KIAA1671: variants seen among roughly 807,000 people sequenced by gnomAD.
The protein encoded by KIAA1671 is uncharacterized protein KIAA1671.
Under a neutral mutation model 131.2 loss-of-function variants are expected in KIAA1671, and 52 were observed. That is an observed-to-expected ratio of 0.40 (90% CI 0.32 to 0.50). The LOEUF is 0.50. KIAA1671 is among the 20% of genes least tolerant of loss of function. The pLI is 0.73. For synonymous variants in KIAA1671, 1,003 were observed against 961.6 expected (o/e 1.04, Z -0.80); for missense variants, 2,360 against 2,364.2 (o/e 1.00, Z 0.04).
intron 1 of KIAA1671, among the ~76,000 whole-genome samples, chr22:24,977,172 C>T (rs542818350): frequency 1.3e-5 from 2 of 152,308 alleles, no homozygotes; most frequent in East Asian, 1.9e-4. Flanking sequence ...ATTATACTCA[C>T]GTTTCCACGA....
At chr22:24,989,573 CT>C (rs1008725018) in intron 1 of KIAA1671, among the ~76,000 whole-genome samples, 5 of 152,138 alleles carry the variant, frequency 3.3e-5, no homozygotes, top group Non-Finnish European at 7.4e-5. Flanking sequence ...CTCCTAAGCC[CT>C]GGGAATTTAG....
At chr22:25,173,440 G>A (rs570571208) in intron 7 of KIAA1671, among the ~76,000 whole-genome samples, 25 of 152,174 alleles carry the variant, frequency 1.6e-4, no homozygotes, top group Non-Finnish European at 2.9e-4. Flanking sequence ...ATGAATAAGT[G>A]AATGAAATAA....
chr22:25,071,498 C>CATTG (rs766286530), intron 6 of KIAA1671, among the ~76,000 whole-genome samples: 35 of 151,850 alleles, frequency 2.3e-4, no homozygotes, highest in Middle Eastern at 3.4e-3. Context: ...TGTAAGGCAA[C>CATTG]ATTGATTGAT....
intron 1 of KIAA1671, among the ~76,000 whole-genome samples, chr22:25,016,252 C>T (rs977030573): frequency 6.6e-6 from 1 of 152,076 alleles, no homozygotes. Flanking sequence ...ATCTCCTGAC[C>T]TCGTGATCCG....
intron 6 of KIAA1671, among the ~76,000 whole-genome samples, chr22:25,134,704 C>T (rs1011442676): frequency 2.2e-4 from 34 of 152,066 alleles, no homozygotes; most frequent in Admixed American, 1.6e-3. Context: ...GCCATGCTGC[C>T]GCTCTGCAGC....
intron 1 of KIAA1671, among the ~76,000 whole-genome samples, chr22:25,009,419 C>T (rs1374377816): frequency 1.3e-5 from 2 of 150,944 alleles, no homozygotes; most frequent in Non-Finnish European, 2.9e-5. Context: ...TGCCTGTCAC[C>T]ACACCCAGCT....
chr22:25,125,545 G>A (rs1254211541), intron 6 of KIAA1671, among the ~76,000 whole-genome samples: 1 of 152,290 alleles, frequency 6.6e-6, no homozygotes, highest in East Asian at 1.9e-4. Context: ...GTACCATGGT[G>A]TAGAACTGGG....
At chr22:25,156,964 A>G (rs1054775743) in intron 6 of KIAA1671, among the ~76,000 whole-genome samples, 20 of 152,184 alleles carry the variant, frequency 1.3e-4, no homozygotes, top group African/African-American at 4.8e-4. Flanking sequence ...CTGTCACCTG[A>G]CAAGTTGAGC....
chr22:24,999,259 G>C (rs1329343279), intron 1 of KIAA1671, among the ~76,000 whole-genome samples: 1 of 152,142 alleles, frequency 6.6e-6, no homozygotes. Flanking sequence ...GAGCACAATA[G>C]GGTCTTGCTC....
intron 1 of KIAA1671, among the ~76,000 whole-genome samples, chr22:25,004,369 T>A (rs1292676838): frequency 6.6e-6 from 1 of 152,122 alleles, no homozygotes; most frequent in African/African-American, 2.4e-5. Flanking sequence ...CTTGGCCTCC[T>A]GAAGCGCTGG....
chr22:24,963,261 G>A (rs1373373243), intron 1 of KIAA1671, among the ~76,000 whole-genome samples: 1 of 151,342 alleles, frequency 6.6e-6, no homozygotes, highest in Non-Finnish European at 1.5e-5. Context: ...CTACTTGGGA[G>A]GCTGAGGCAG....
At chr22:25,114,026 C>T (rs1931528140) in intron 6 of KIAA1671, among the ~76,000 whole-genome samples, 1 of 152,206 alleles carries the variant, frequency 6.6e-6, no homozygotes, top group African/African-American at 2.4e-5. Flanking sequence ...CATGAATCCC[C>T]TAGGCGTCTT....
intron 9 of KIAA1671, 97 bp from the exon 10 acceptor site, chr22:25,181,602 G>A (rs1934278137): frequency 7.0e-7 from 1 of 1,437,664 alleles, no homozygotes; most frequent in Middle Eastern, 1.8e-4. Context: ...GGTCTGATGT[G>A]AGCATTGCAT....
intron 6 of KIAA1671, among the ~76,000 whole-genome samples, chr22:25,093,468 C>T (rs1930120044): frequency 1.3e-5 from 2 of 152,172 alleles, no homozygotes; most frequent in Admixed American, 1.3e-4. Flanking sequence ...CTGTTTCTGT[C>T]CACTTGGTTT....
chr22:25,153,300 T>A (rs189083724), intron 6 of KIAA1671, among the ~76,000 whole-genome samples: 41 of 152,330 alleles, frequency 2.7e-4, no homozygotes, highest in Admixed American at 1.8e-3. Context: ...GTTCTCAACC[T>A]GGTGTGACTT....
At position 24,952,828 on chromosome 22, in the gene KIAA1671, G is replaced by T. The variant is rs1011223000; in HGVS notation, c.-208+56G>T. On this transcript the variant is annotated intron_variant, in intron 1 of 12. Coordinates refer to ENST00000358431, the MANE Select transcript of KIAA1671 (RefSeq NM_001145206.2). This position sits in a 1 kb window ranked among gnomAD's most constrained non-coding sequence, Gnocchi z 4.5. Reference sequence around the variant, plus strand: ...GGCCGGCTGGCCGCCTCCTGTCCCCGGCCGACGAGGTAGCTGGGGGTGACG... The same window carrying T: ...GGCCGGCTGGCCGCCTCCTGTCCCCTGCCGACGAGGTAGCTGGGGGTGACG... The T allele has an allele frequency of 6.6e-6, 1 of 152,258 alleles. No individual in the cohort carries two copies. Among genetic ancestry groups the T allele is most frequent in the Admixed American group, 6.5e-5 (1 of 15,276 alleles). 9.4% of individuals were successfully genotyped at this position (152,258 alleles called of 1,614,324 possible).
chr22:24,985,504 TA>T (rs1178538942), intron 1 of KIAA1671, among the ~76,000 whole-genome samples: 2 of 152,068 alleles, frequency 1.3e-5, no homozygotes, highest in Admixed American at 6.5e-5. Context: ...CGCGCCCGGC[TA>T]ATTTTTTGTA....
At chr22:25,044,031 G>C (rs1602093623) in intron 5 of KIAA1671, among the ~76,000 whole-genome samples, 1 of 141,550 alleles carries the variant, frequency 7.1e-6, no homozygotes, top group Non-Finnish European at 1.5e-5. Context: ...CATGCGGTGA[G>C]GATTTGCCTT....
chr22:25,147,757 C>T (rs1419308620), intron 6 of KIAA1671, among the ~76,000 whole-genome samples: 3 of 152,154 alleles, frequency 2.0e-5, no homozygotes, highest in African/African-American at 7.2e-5. Context: ...TTGTGATCTG[C>T]TCTGTTCTGT....
Sources: allele counts gnomAD v4.1 joint callset (sites outside exome capture counted in the v4.1 genomes callset), GRCh38; gene constraint gnomAD v4.1.1; non-coding constraint Gnocchi (gnomAD v3.1); transcripts MANE v1.5; gene names NCBI Gene and HGNC (gene_info 2026-07-23, HGNC 2026-07-21).